The following UNC13C variants were observed in gnomAD, a reference collection of about 807,000 sequenced individuals.
UNC13C encodes the protein protein unc-13 homolog C.
In UNC13C, 174 loss-of-function variants were observed where a neutral mutation model predicts 245.4. The ratio of observed to expected loss-of-function variants is 0.71; its 90% CI spans 0.63 to 0.80. UNC13C has a LOEUF of 0.80. UNC13C is among the 30% of genes least tolerant of loss of function. The pLI is 0.00. For missense variants in UNC13C, 2,829 were observed against 2,602.9 expected, an observed-to-expected ratio of 1.09 and a Z score of -1.89; for synonymous variants, 992 against 895.1, an observed-to-expected ratio of 1.11 and a Z score of -1.93.
chr15:54,092,016 C>T (rs1376750114), intron 2 of UNC13C, among the ~76,000 whole-genome samples: 1 of 152,188 alleles, frequency 6.6e-6, no homozygotes, highest in Non-Finnish European at 1.5e-5. Context: ...AAATTTACTA[C>T]ACCTCTTAGA....
intron 19 of UNC13C, among the ~76,000 whole-genome samples, chr15:54,448,571 G>C (rs940177760): frequency 2.6e-5 from 4 of 152,144 alleles, no homozygotes; most frequent in Non-Finnish European, 5.9e-5. Flanking sequence ...TTTAAAGTCT[G>C]TTTTATCAGA....
rs750846653 is a variant in UNC13C, at chr15:54,013,019, A to T, written c.116A>T (p.Lys39Ile). 6.2e-6 allele frequency: 10 copies of T among 1,613,902 alleles called. No individual in the cohort carries two copies. The highest frequency in any genetic ancestry group is 6.8e-6 in the Non-Finnish European group (8 of 1,179,846). Reference protein sequence around the residue: ...TNKNKEYRQQKKDQDFPTAGQ... With the variant: ...TNKNKEYRQQIKDQDFPTAGQ... ...AAAAACAAAGAGTATCGTCAGCAGA[A>T]AAAGGATCAAGACTTCCCCACTGCT... Residue 39 changes from lysine (K) to isoleucine (I), a missense_variant, in exon 2 of 33, where the codon AAA becomes ATA. By Grantham distance (102) the Lys-to-Ile change is moderately radical. Coordinates refer to ENST00000260323, the MANE Select transcript of UNC13C (RefSeq NM_001080534.3).
intron 4 of UNC13C, among the ~76,000 whole-genome samples, chr15:54,187,348 A>G (rs910142889): frequency 6.6e-6 from 1 of 152,124 alleles, no homozygotes; most frequent in African/African-American, 2.4e-5. Context: ...CTATTTCAAA[A>G]TGTAATTATG....
intron 4 of UNC13C, among the ~76,000 whole-genome samples, chr15:54,167,602 GAAAA>G (rs35210236): frequency 1.6e-5 from 1 of 63,570 alleles, no homozygotes; most frequent in Non-Finnish European, 2.9e-5. Context: ...ATCCAAATAG[GAAAA>G]AAAAAAAAAA....
chr15:54,558,629 T>C (rs544189978), intron 29 of UNC13C, among the ~76,000 whole-genome samples: 50 of 152,182 alleles, frequency 3.3e-4, no homozygotes, highest in African/African-American at 1.2e-3. Context: ...GGAACTATTT[T>C]ATAACACCAG....
intron 2 of UNC13C, among the ~76,000 whole-genome samples, chr15:54,108,336 G>A (rs909693964): frequency 1.3e-5 from 2 of 151,986 alleles, no homozygotes; most frequent in African/African-American, 2.4e-5. Context: ...ACAGGCGCCC[G>A]CCACCACGCC....
chr15:54,223,784 CT>C (rs1206106896), intron 4 of UNC13C, among the ~76,000 whole-genome samples: 1 of 151,798 alleles, frequency 6.6e-6, no homozygotes, highest in Admixed American at 6.6e-5. Flanking sequence ...GAATATTTTT[CT>C]GTTTTTTGGT....
At chr15:54,172,718 AT>A (rs1326755739) in intron 4 of UNC13C, among the ~76,000 whole-genome samples, 2 of 21,774 alleles carry the variant, frequency 9.2e-5, no homozygotes, top group African/African-American at 4.7e-4. Flanking sequence ...ATATATATAT[AT>A]ATATATATAT....
At chr15:54,578,347 G>T (rs1018680480) in intron 30 of UNC13C, among the ~76,000 whole-genome samples, 2 of 151,624 alleles carry the variant, frequency 1.3e-5, no homozygotes, top group Non-Finnish European at 2.9e-5. Context: ...TTTTTTTATC[G>T]CACTCACATT....
intron 4 of UNC13C, among the ~76,000 whole-genome samples, chr15:54,153,994 A>G (rs1188664042): frequency 6.6e-6 from 1 of 152,106 alleles, no homozygotes; most frequent in Non-Finnish European, 1.5e-5. Context: ...TAATTAAACC[A>G]GGGTAATTGA....
intron 4 of UNC13C, among the ~76,000 whole-genome samples, chr15:54,226,086 C>A (rs200399214): frequency 6.6e-6 from 1 of 152,014 alleles, no homozygotes; most frequent in East Asian, 1.9e-4. Context: ...GTTTTTAGTT[C>A]TGTTTATTTG....
At chr15:54,614,977 C>A (rs1042917861) in intron 30 of UNC13C, among the ~76,000 whole-genome samples, 9 of 151,992 alleles carry the variant, frequency 5.9e-5, no homozygotes, top group African/African-American at 2.2e-4. Context: ...TTTTCTTGTT[C>A]TATAGAATTT....
intron 4 of UNC13C, among the ~76,000 whole-genome samples, chr15:54,160,091 G>C (rs1053775833): frequency 6.6e-6 from 1 of 151,934 alleles, no homozygotes; most frequent in African/African-American, 2.4e-5. Context: ...CTAGACAATT[G>C]GAAGACTTTT....
intron 22 of UNC13C, among the ~76,000 whole-genome samples, chr15:54,502,352 G>C (rs962147744): frequency 8.5e-5 from 13 of 152,156 alleles, no homozygotes; most frequent in Admixed American, 4.6e-4. Flanking sequence ...AGCAGAGACA[G>C]ACAGAGAGAC....
At chr15:53,905,619 G>A in the UNC13C span, among the ~76,000 whole-genome samples, 1 of 152,042 alleles carries the variant, frequency 6.6e-6, no homozygotes, top group African/African-American at 2.4e-5. Context: ...GAGACTGGGG[G>A]TTGGGGGAAG....
At chr15:54,219,282 A>G (rs1343547818) in intron 4 of UNC13C, among the ~76,000 whole-genome samples, 1 of 151,014 alleles carries the variant, frequency 6.6e-6, no homozygotes, top group Non-Finnish European at 1.5e-5. Flanking sequence ...CAGAGCCCTC[A>G]GAAATAATGC....
At chr15:54,194,236 A>G (rs1020730820) in intron 4 of UNC13C, among the ~76,000 whole-genome samples, 2 of 152,096 alleles carry the variant, frequency 1.3e-5, no homozygotes, top group African/African-American at 4.8e-5. Flanking sequence ...TGTACTATAG[A>G]TGATCATATT....
chr15:54,195,349 T>G (rs1176279954), intron 4 of UNC13C, among the ~76,000 whole-genome samples: 2 of 152,106 alleles, frequency 1.3e-5, no homozygotes, highest in African/African-American at 4.8e-5. Flanking sequence ...AACACTGCCA[T>G]TCCAAGACAT....
At chr15:54,413,913 A>C (rs1307935536) in intron 18 of UNC13C, among the ~76,000 whole-genome samples, 2 of 152,196 alleles carry the variant, frequency 1.3e-5, no homozygotes, top group East Asian at 3.9e-4. Flanking sequence ...ATATATAGAG[A>C]GAAAATACTT....
Sources: allele counts gnomAD v4.1 joint callset (sites outside exome capture counted in the v4.1 genomes callset), GRCh38; gene constraint gnomAD v4.1.1; transcripts MANE v1.5; gene names NCBI Gene and HGNC (gene_info 2026-07-23, HGNC 2026-07-21).